Variants in RAB3GAP1 observed in about 807,000 individuals in gnomAD.
RAB3GAP1 encodes RAB3 GTPase activating protein catalytic subunit 1, also known as rab3 GTPase-activating protein catalytic subunit.
A neutral mutation model predicts 130.7 loss-of-function variants in RAB3GAP1; 86 were observed. That is an observed-to-expected ratio of 0.66 (90% CI 0.55 to 0.79). The LOEUF (loss-of-function observed/expected upper bound fraction) is 0.79, where lower values mean the gene tolerates loss of function less well. RAB3GAP1 is among the 30% of genes least tolerant of loss of function. RAB3GAP1 has a pLI of 0.00. For missense variants in RAB3GAP1, 1,029 were observed against 1,169.4 expected (o/e 0.88, Z 1.75); for synonymous variants, 367 against 401.7 (o/e 0.91, Z 1.03).
At position 135,115,223 on chromosome 2, in the gene RAB3GAP1, C is replaced by T. The variant is rs1247934207; in HGVS notation, c.490C>T (p.Pro164Ser). ...IALGNTGCQVPLFVQIHHKWR... is the reference protein window; with the variant it reads ...IALGNTGCQVSLFVQIHHKWR... ...TTTAATCATGTCTTGCAGTCAGGTG[C>T]CACTCTTTGTGCAAATTCACCACAA... Residue 164 changes from proline (P) to serine (S), a missense_variant, in exon 7 of 24, where the codon CCA becomes TCA. This residue lies in a region of RAB3GAP1 where 510 missense variants were observed against 532.1 expected (regional missense o/e 0.96). Transcript: ENST00000264158. 2 of 1,609,504 alleles carry T rather than the reference C, an allele frequency of 1.2e-6. No individual in the cohort carries two copies. The highest frequency in any genetic ancestry group is 2.2e-5 in the South Asian group (2 of 90,980).
intron 6 of RAB3GAP1, among the ~76,000 whole-genome samples, chr2:135,114,454 T>G (rs1690907400): frequency 6.6e-6 from 1 of 152,240 alleles, no homozygotes; most frequent in Non-Finnish European, 1.5e-5. Flanking sequence ...GTAGGATTAT[T>G]AACTTGGGGA....
At chr2:135,116,517 C>T (rs1450515917) in intron 7 of RAB3GAP1, among the ~76,000 whole-genome samples, 2 of 152,044 alleles carry the variant, frequency 1.3e-5, no homozygotes, top group Non-Finnish European at 2.9e-5. Flanking sequence ...ACACATGATT[C>T]TTGATTGGAT....
chr2:135,100,301 C>G (rs990068627), intron 5 of RAB3GAP1, among the ~76,000 whole-genome samples: 1 of 152,230 alleles, frequency 6.6e-6, no homozygotes, highest in Non-Finnish European at 1.5e-5. Flanking sequence ...AACAGACTTT[C>G]AGCAGTAAAA....
intron 3 of RAB3GAP1, among the ~76,000 whole-genome samples, chr2:135,080,538 A>G (rs760782327): frequency 6.6e-6 from 1 of 152,226 alleles, no homozygotes; most frequent in Non-Finnish European, 1.5e-5. Context: ...ATGATGCTAA[A>G]TGGTACTTGT....
intron 5 of RAB3GAP1, among the ~76,000 whole-genome samples, chr2:135,104,699 AAAATAAATAAAT>A (rs59733454): frequency 8.8e-4 from 131 of 148,862 alleles, no homozygotes; most frequent in Middle Eastern, 3.4e-3. Flanking sequence ...CTAAAAATAC[AAAATAAATAAAT>A]AAATAAATAA....
chr2:135,135,852 A>G lies in RAB3GAP1; in HGVS notation c.1843A>G (p.Arg615Gly). Reference protein sequence around the residue: ...KGGPKEMANLRPEGRLYQHGK... With the variant: ...KGGPKEMANLGPEGRLYQHGK... ...AGGACCTAAGGAGATGGCAAATTTA[A>G]GGCCGGAAGGACGGCTCTATCAGCA... The change falls in exon 17 of 24, where the codon AGG becomes GGG. Residue 615 changes from arginine to glycine, a missense_variant. This residue lies in a region of RAB3GAP1 where 373 missense variants were observed against 493.6 expected (regional missense o/e 0.76). Coordinates refer to ENST00000264158, the MANE Select transcript of RAB3GAP1 (RefSeq NM_012233.3). 1 of 1,614,174 alleles carries G rather than the reference A, an allele frequency of 6.2e-7. No homozygotes were observed. The highest frequency in any genetic ancestry group is 8.5e-7 in the Non-Finnish European group (1 of 1,179,976).
At chr2:135,052,404 T>TG in intron 1 of RAB3GAP1, 26 bp from the exon 2 acceptor site, 1 of 1,614,142 alleles carries the variant, frequency 6.2e-7, no homozygotes. Flanking sequence ...GCTTAATTTC[T>TG]TTTTCTCTCC....
In RAB3GAP1 at chr2:135,153,696, A is replaced by G. The variant is rs1292123013; in HGVS notation, c.2109A>G (p.Ser703=). ...CSLEDFVRWY[S]PRDYIEEEVI... The stretch of plus-strand genomic sequence containing the variant: ...TGGAAGATTTTGTGAGGTGGTATTC[A>G]CCCCGGGATTATATTGAAGAGGAGG... The change falls in exon 19 of 24, where the codon TCA becomes TCG. Residue 703 remains serine (S), a synonymous_variant. Coordinates refer to ENST00000264158, the MANE Select transcript of RAB3GAP1 (RefSeq NM_012233.3). 1.2e-6 allele frequency: 2 copies of G among 1,613,810 alleles called. No homozygotes were observed. The highest frequency in any genetic ancestry group is 1.7e-6 in the Non-Finnish European group (2 of 1,179,924).
intron 19 of RAB3GAP1, among the ~76,000 whole-genome samples, chr2:135,160,779 T>C (rs1692445983): frequency 6.6e-6 from 1 of 151,978 alleles, no homozygotes; most frequent in Non-Finnish European, 1.5e-5. Flanking sequence ...GTGTTAAATT[T>C]ATTGTATATA....
chr2:135,069,785 A>G (rs927112659), intron 3 of RAB3GAP1, among the ~76,000 whole-genome samples: 1 of 151,526 alleles, frequency 6.6e-6, no homozygotes, highest in African/African-American at 2.4e-5. Flanking sequence ...ACAACCTTCT[A>G]CCCCTGCCCT....
chr2:135,165,710 CTTTGA>C (rs1558807522), intron 23 of RAB3GAP1, among the ~76,000 whole-genome samples: 2 of 152,122 alleles, frequency 1.3e-5, no homozygotes, highest in Admixed American at 1.3e-4. Flanking sequence ...TAGATGCTTG[CTTTGA>C]TTTATTTTGT....
At chr2:135,087,041 TTTA>T (rs1227348850) in intron 3 of RAB3GAP1, among the ~76,000 whole-genome samples, 75 of 152,278 alleles carry the variant, frequency 4.9e-4, no homozygotes, top group African/African-American at 1.8e-3. Flanking sequence ...TATTTTTAAT[TTTA>T]TTGTTAGTGC....
chr2:135,064,723 TGTTTC>T (rs949542278), intron 3 of RAB3GAP1, among the ~76,000 whole-genome samples: 4 of 150,918 alleles, frequency 2.7e-5, no homozygotes, highest in African/African-American at 9.7e-5. Context: ...CACATTTTCC[TGTTTC>T]GTTTTGTTTT....
At chr2:135,093,765 A>G in intron 5 of RAB3GAP1, 72 bp downstream of exon 5, 1 of 1,163,480 alleles carries the variant, frequency 8.6e-7, no homozygotes, top group East Asian at 2.3e-5. Flanking sequence ...CCCCAAGTTC[A>G]GTGATTTGCT....
Position 135,105,916 on chromosome 2 carries a change from C to G in RAB3GAP1, c.363-7235C>G, listed in dbSNP as rs1397967096. On this transcript the variant is annotated intron_variant, in intron 5 of 23. Coordinates refer to ENST00000264158, the MANE Select transcript of RAB3GAP1 (RefSeq NM_012233.3). ...CTGGGAGGTGAGGAGCATCTCTGCC[C>G]GGCCGCCCCGTCTGAGAAGTGAGGA... 2.0e-5 allele frequency among the ~76,000 whole-genome samples: 3 copies of G among 151,496 alleles called. No individual in the cohort carries two copies. The South Asian group carries it at 6.3e-4, about 32-fold the overall frequency.
intron 2 of RAB3GAP1, among the ~76,000 whole-genome samples, chr2:135,053,729 G>GTTT (rs1400066090): frequency 1.7e-4 from 26 of 152,032 alleles, no homozygotes; most frequent in African/African-American, 6.0e-4. Flanking sequence ...ATATACAAAG[G>GTTT]GAAAAGCAGA....
At chr2:135,076,280 C>T (rs947057992) in intron 3 of RAB3GAP1, among the ~76,000 whole-genome samples, 7 of 152,122 alleles carry the variant, frequency 4.6e-5, no homozygotes, top group African/African-American at 1.7e-4. Context: ...ATAAATACAG[C>T]CATGTTTTCT....
chr2:135,135,238 T>G (rs954921898), intron 15 of RAB3GAP1, 27 bp from the exon 16 acceptor site: 2 of 1,583,454 alleles, frequency 1.3e-6, no homozygotes, highest in Non-Finnish European at 1.7e-6. Flanking sequence ...AAACTAAGCT[T>G]TCTTTTCTCC....
At chr2:135,121,168 C>T (rs1015960736) in intron 8 of RAB3GAP1, among the ~76,000 whole-genome samples, 2 of 152,042 alleles carry the variant, frequency 1.3e-5, no homozygotes, top group Admixed American at 6.6e-5. Context: ...TTATAAGGCA[C>T]CCCTTGCTGT....
Sources: allele counts gnomAD v4.1 joint callset (sites outside exome capture counted in the v4.1 genomes callset), GRCh38; gene constraint gnomAD v4.1.1; regional missense constraint gnomAD v4.1.1; transcripts MANE v1.5; gene names NCBI Gene and HGNC (gene_info 2026-07-23, HGNC 2026-07-21).